Variants in GLI3 observed in about 807,000 individuals in gnomAD.
GLI3 encodes transcription activator GLI3.
GLI3 carries 20 observed loss-of-function variants against 100.8 expected under a neutral mutation model. The ratio of observed to expected loss-of-function variants is 0.20; its 90% CI spans 0.14 to 0.29. GLI3 has a LOEUF of 0.29. GLI3 is among the 10% of genes least tolerant of loss of function. The pLI is 1.00. For missense variants in GLI3, 2,040 were observed against 2,128.5 expected (o/e 0.96, Z 0.82); for synonymous variants, 938 against 860.5 (o/e 1.09, Z -1.58).
intron 3 of GLI3, among the ~76,000 whole-genome samples, chr7:42,121,285 T>C (rs534562200): frequency 6.6e-6 from 1 of 152,210 alleles, no homozygotes; most frequent in Non-Finnish European, 1.5e-5. Context: ...GCCCAAGAGT[T>C]TCTGATTCAG....
intron 10 of GLI3, among the ~76,000 whole-genome samples, chr7:41,997,279 T>G (rs1788153458): frequency 6.6e-6 from 1 of 152,186 alleles, no homozygotes; most frequent in African/African-American, 2.4e-5. Context: ...CAGCTTTTTT[T>G]TTTCTTCTTT....
At chr7:42,152,964 C>T (rs962151635) in intron 2 of GLI3, among the ~76,000 whole-genome samples, 2 of 152,200 alleles carry the variant, frequency 1.3e-5, no homozygotes, top group Non-Finnish European at 2.9e-5. Flanking sequence ...GCTCAATTCA[C>T]CCCACACAAA....
intron 2 of GLI3, among the ~76,000 whole-genome samples, chr7:42,191,419 G>A (rs1036917140): frequency 2.0e-5 from 3 of 152,048 alleles, no homozygotes; most frequent in Non-Finnish European, 2.9e-5. Context: ...CATCCTTTGG[G>A]AGGCGGGCAG....
At chr7:42,133,139 A>T (rs890757206) in intron 3 of GLI3, among the ~76,000 whole-genome samples, 16 of 152,230 alleles carry the variant, frequency 1.1e-4, no homozygotes, top group African/African-American at 3.9e-4. Flanking sequence ...TAATAAAAGT[A>T]AAACTTATAC....
At chr7:42,085,739 A>T (rs2128754619) in intron 3 of GLI3, among the ~76,000 whole-genome samples, 1 of 152,306 alleles carries the variant, frequency 6.6e-6, no homozygotes, top group South Asian at 2.1e-4. Flanking sequence ...AACCCTGAGG[A>T]GCTCTCAGGC....
intron 7 of GLI3, among the ~76,000 whole-genome samples, chr7:42,038,148 T>A (rs1213509507): frequency 6.6e-6 from 1 of 152,218 alleles, no homozygotes; most frequent in Non-Finnish European, 1.5e-5. Context: ...ACAATTGCAG[T>A]AAAGTCGCCT....
intron 1 of GLI3, among the ~76,000 whole-genome samples, chr7:42,235,868 T>G (rs893834140): frequency 5.9e-5 from 9 of 152,176 alleles, no homozygotes; most frequent in African/African-American, 2.2e-4. Flanking sequence ...CATAAATATA[T>G]GTACATATAA....
intron 7 of GLI3, 96 bp downstream of exon 7, chr7:42,039,942 C>T: frequency 2.2e-6 from 2 of 919,132 alleles, no homozygotes; most frequent in South Asian, 2.7e-5. Context: ...TATTCTTCCT[C>T]ATAGGCAGTT....
intron 3 of GLI3, among the ~76,000 whole-genome samples, chr7:42,091,112 T>G (rs1486835534): frequency 6.6e-6 from 1 of 152,174 alleles, no homozygotes; most frequent in Non-Finnish European, 1.5e-5. Flanking sequence ...GTCTTGAAAT[T>G]CTTAGTAATT....
chr7:42,170,299 T>C (rs1367780254), intron 2 of GLI3, among the ~76,000 whole-genome samples: 1 of 148,128 alleles, frequency 6.8e-6, no homozygotes, highest in Non-Finnish European at 1.5e-5. Flanking sequence ...CACACACATA[T>C]GTATATATTT....
At chr7:42,099,917 A>AT (rs2128761231) in intron 3 of GLI3, among the ~76,000 whole-genome samples, 1 of 152,362 alleles carries the variant, frequency 6.6e-6, no homozygotes, top group East Asian at 1.9e-4. Flanking sequence ...ATGCCAAAGT[A>AT]TTTTCTCTCC....
chr7:42,232,877 C>T (rs890416492), intron 1 of GLI3, among the ~76,000 whole-genome samples: 1 of 152,054 alleles, frequency 6.6e-6, no homozygotes, highest in African/African-American at 2.4e-5. Context: ...GAAATATATA[C>T]ACACAGAACA....
intron 3 of GLI3, among the ~76,000 whole-genome samples, chr7:42,080,878 G>A (rs1402282763): frequency 6.6e-6 from 1 of 152,042 alleles, no homozygotes; most frequent in Non-Finnish European, 1.5e-5. Flanking sequence ...GGCCCTTGTC[G>A]CCAGAGCCGC....
chr7:42,247,575 T>C (rs1475997601), intron 1 of GLI3, among the ~76,000 whole-genome samples: 1 of 152,220 alleles, frequency 6.6e-6, no homozygotes, highest in Non-Finnish European at 1.5e-5. Context: ...GGCGTCTGCT[T>C]CTTATTCTGC....
chr7:42,117,949 C>T (rs1785901974), intron 3 of GLI3, among the ~76,000 whole-genome samples: 1 of 152,124 alleles, frequency 6.6e-6, no homozygotes, highest in Non-Finnish European at 1.5e-5. Flanking sequence ...AATTAAATGT[C>T]CACTCTGACG....
chr7:42,132,160 G>A (rs1786294503), intron 3 of GLI3, among the ~76,000 whole-genome samples: 1 of 151,928 alleles, frequency 6.6e-6, no homozygotes, highest in Admixed American at 6.6e-5. Flanking sequence ...GAGTGCAGTG[G>A]TTCAATCTCG....
chr7:42,015,482 T>C (rs993700886), intron 10 of GLI3, among the ~76,000 whole-genome samples: 3 of 151,970 alleles, frequency 2.0e-5, no homozygotes, highest in African/African-American at 7.3e-5. Flanking sequence ...AAAAAAAAAG[T>C]CCTCGCATTA....
Position 42,002,088 on chromosome 7 carries a change from A to C in GLI3, c.1497+21380T>G, listed in dbSNP as rs1473068276. ...CACACACACACACACGCACACACAC[A>C]CACGTGTGCAAATAAAGGGAAGAAT... is the stretch of plus-strand genomic sequence containing the variant. On this transcript the variant is annotated intron_variant, in intron 10 of 14. Coordinates refer to ENST00000395925, the MANE Select transcript of GLI3 (RefSeq NM_000168.6). 2.0e-5 allele frequency among the ~76,000 whole-genome samples: 3 copies of C among 152,090 alleles called. No homozygotes were observed. In the East Asian group the frequency reaches 5.8e-4, roughly 29 times the overall value.
intron 3 of GLI3, among the ~76,000 whole-genome samples, chr7:42,132,255 T>TGCCCGCCAAC (rs1415967702): frequency 6.7e-6 from 1 of 149,332 alleles, no homozygotes; most frequent in African/African-American, 2.5e-5. Context: ...CGCCCGCCAC[T>TGCCCGCCAAC]ACGCCCGGCT....
Sources: allele counts gnomAD v4.1 joint callset (sites outside exome capture counted in the v4.1 genomes callset), GRCh38; gene constraint gnomAD v4.1.1; transcripts MANE v1.5; gene names NCBI Gene and HGNC (gene_info 2026-07-23, HGNC 2026-07-21).